HECTD4: variants seen among roughly 807,000 people sequenced by gnomAD.
HECTD4 encodes probable E3 ubiquitin-protein ligase HECTD4.
HECTD4 carries 114 observed loss-of-function variants against 471.5 expected under a neutral mutation model. The observed-to-expected ratio is 0.24, with a 90% CI of 0.21 to 0.28. The LOEUF (loss-of-function observed/expected upper bound fraction) is 0.28, where lower values mean the gene tolerates loss of function less well. Ranked by LOEUF, HECTD4 falls within the 10% of genes least tolerant of loss-of-function variation. The probability of loss-of-function intolerance (pLI) is 1.00; values close to 1 mark genes in which losing one functional copy is unlikely to be tolerated. For synonymous variants in HECTD4, 2,012 were observed against 2,256.0 expected, an observed-to-expected ratio of 0.89 and a Z score of 3.07; for missense variants, 3,866 against 5,651.5, an observed-to-expected ratio of 0.68 and a Z score of 10.13.
At chr12:112,355,045 A>T (rs1021238677) in intron 1 of HECTD4, among the ~76,000 whole-genome samples, 1 of 150,078 alleles carries the variant, frequency 6.7e-6, no homozygotes, top group Admixed American at 6.6e-5. Context: ...CAGTGGCGCT[A>T]TCTCGGCTCA....
chr12:112,178,230 CCA>C (rs2031530633), intron 64 of HECTD4, among the ~76,000 whole-genome samples: 1 of 152,112 alleles, frequency 6.6e-6, no homozygotes. Flanking sequence ...GTGCATGCCA[CCA>C]CAGTCAGCTA....
Position 112,228,869 on chromosome 12 carries a change from TACGAG to T in HECTD4, c.6520-63_6520-59del. 6.6e-7 allele frequency: 1 copy of T among 1,518,514 alleles called. No individual in the cohort carries two copies. The highest frequency in any genetic ancestry group is 9.0e-7 in the Non-Finnish European group (1 of 1,112,320). 94.1% of individuals were successfully genotyped at this position (1,518,514 alleles called of 1,614,324 possible). ...AGCTCTGACGTGTGGGCAGCTGTCT[TACGAG>T]ACAAGAGGAAAAAGTAAATTTATAG... On this transcript the variant is annotated intron_variant, in intron 41 of 75. Coordinates refer to ENST00000682272, the MANE Select transcript of HECTD4 (RefSeq NM_001388303.1). This position sits in a 1 kb window ranked among gnomAD's most constrained non-coding sequence, Gnocchi z 4.9.
At chr12:112,354,123 A>G (rs2036291915) in intron 1 of HECTD4, among the ~76,000 whole-genome samples, 1 of 151,972 alleles carries the variant, frequency 6.6e-6, no homozygotes, top group South Asian at 2.1e-4. Context: ...TCTAGGCTGG[A>G]GTGCAGTGGC....
chr12:112,176,795 C>T, intron 64 of HECTD4, 93 bp from the exon 65 acceptor site: 1 of 994,964 alleles, frequency 1.0e-6, no homozygotes, highest in Admixed American at 1.9e-5. Context: ...TTCCTGCTCC[C>T]TCCTCCAACT....
chr12:112,200,780 C>T lies in HECTD4; in HGVS notation c.8425G>A (p.Val2809Ile), dbSNP rs779590965. ...DVDSVNELVQVETYLRSEGVL... is the reference protein window; with the variant it reads ...DVDSVNELVQIETYLRSEGVL... ...CCTTCACTGCGGAGGTACGTTTCTA[C>T]CTGCACCAGTTCATTCACCTACAAT... The change falls in exon 55 of 76, where the codon GTA becomes ATA. Residue 2809 changes from valine (V) to isoleucine (I), a missense_variant. Val to Ile is a conservative substitution (Grantham distance 29, BLOSUM62 3). Coordinates refer to ENST00000682272, the MANE Select transcript of HECTD4 (RefSeq NM_001388303.1). 5 of 1,612,620 alleles carry T rather than the reference C, an allele frequency of 3.1e-6. No homozygotes were observed. The Admixed American group carries it at 8.4e-5, about 27-fold the overall frequency.
chr12:112,367,486 C>T (rs551785285), intron 1 of HECTD4, among the ~76,000 whole-genome samples: 18 of 151,878 alleles, frequency 1.2e-4, no homozygotes. Context: ...AGGTTCAGAA[C>T]CCCTGAGGGA....
Position 112,308,846 on chromosome 12 carries a change from C to T in HECTD4, c.1071G>A (p.Val357=). The stretch of plus-strand genomic sequence containing the variant: ...GGAGAAGACTGCCGCTGCCAAAAGC[C>T]ACCCATCCTGGTTCCAACTCCTCGT... The part of the protein sequence containing the change: ...CRNEELEPGW[V]AFGSGSLLHR... Residue 357 remains valine, a synonymous_variant, in exon 6 of 76, where the codon GTG becomes GTA. Transcript: ENST00000682272. 2 of 1,536,042 alleles carry T rather than the reference C, an allele frequency of 1.3e-6. No homozygotes were observed. The highest frequency in any genetic ancestry group is 2.4e-5 in the East Asian group (1 of 40,922).
chr12:112,324,033 C>CTTTCTTTCTTT (rs1566112010), intron 1 of HECTD4, among the ~76,000 whole-genome samples: 1 of 23,750 alleles, frequency 4.2e-5, no homozygotes, highest in Non-Finnish European at 6.6e-5. Flanking sequence ...TTCCTTCCTT[C>CTTTCTTTCTTT]CTTCCTTCCT....
intron 29 of HECTD4, among the ~76,000 whole-genome samples, 190 bp downstream of exon 29, chr12:112,246,706 TTTTTC>T (rs1257710229): frequency 6.6e-6 from 1 of 152,132 alleles, no homozygotes; most frequent in African/African-American, 2.4e-5. Context: ...TATTTCTTTG[TTTTTC>T]TTTTGTCACT....
intron 1 of HECTD4, among the ~76,000 whole-genome samples, chr12:112,368,937 G>A (rs768708243): frequency 9.9e-5 from 15 of 152,168 alleles, no homozygotes; most frequent in Non-Finnish European, 2.2e-4. Context: ...GGGGCTCTAA[G>A]TCCAAATAAT....
intron 1 of HECTD4, among the ~76,000 whole-genome samples, chr12:112,355,741 G>A (rs558622819): frequency 1.3e-4 from 20 of 152,150 alleles, no homozygotes; most frequent in Non-Finnish European, 2.5e-4. Context: ...TCCAGCCTGG[G>A]AGACAGCGAG....
intron 1 of HECTD4, among the ~76,000 whole-genome samples, chr12:112,320,073 G>A (rs1306215777): frequency 6.6e-6 from 1 of 152,140 alleles, no homozygotes; most frequent in Non-Finnish European, 1.5e-5. Context: ...GGTGGCTCAC[G>A]CCTGTAATCC....
At chr12:112,295,367 A>ATT (rs397971787) in intron 7 of HECTD4, among the ~76,000 whole-genome samples, 12,894 of 143,830 alleles carry the variant, frequency 0.09, 605 homozygotes, top group East Asian at 0.23. Flanking sequence ...TGGTAAGGTG[A>ATT]TTTTTTTTTT....
intron 50 of HECTD4, 136 bp downstream of exon 50, chr12:112,209,879 C>A (rs2032709727): frequency 1.4e-6 from 1 of 702,736 alleles, no homozygotes; most frequent in African/African-American, 1.8e-5. Context: ...AGGCCTGTGA[C>A]CCCATTACCA....
chr12:112,222,641 T>G (rs1205825888), intron 44 of HECTD4, among the ~76,000 whole-genome samples: 1 of 152,158 alleles, frequency 6.6e-6, no homozygotes, highest in African/African-American at 2.4e-5. Flanking sequence ...CACTCCAGCC[T>G]GGGCAACAGA....
At chr12:112,210,746 A>G (rs2032738386) in intron 49 of HECTD4, among the ~76,000 whole-genome samples, 1 of 152,234 alleles carries the variant, frequency 6.6e-6, no homozygotes, top group African/African-American at 2.4e-5. Flanking sequence ...CTGTGATTAC[A>G]TACATACACA....
At chr12:112,187,786 C>A (rs1467034249) in intron 60 of HECTD4, among the ~76,000 whole-genome samples, 1 of 151,298 alleles carries the variant, frequency 6.6e-6, no homozygotes, top group Non-Finnish European at 1.5e-5. Context: ...GCTATCACAC[C>A]CGGCTAATTT....
chr12:112,300,851 T>C (rs1169350194), intron 7 of HECTD4, among the ~76,000 whole-genome samples: 3 of 152,054 alleles, frequency 2.0e-5, no homozygotes, highest in Non-Finnish European at 4.4e-5. Flanking sequence ...ATTATAGGCA[T>C]GAACTACTGC....
intron 1 of HECTD4, among the ~76,000 whole-genome samples, chr12:112,352,745 C>A (rs2036268156): frequency 6.6e-6 from 1 of 151,900 alleles, no homozygotes. Context: ...TAGCTAAGAC[C>A]ACATGTATAT....
Sources: gnomAD v4.1 joint callset for allele counts (sites outside exome capture counted in the v4.1 genomes callset) on GRCh38, gnomAD v4.1.1 for gene constraint, Gnocchi (gnomAD v3.1) non-coding constraint, MANE v1.5 for transcripts, NCBI Gene and HGNC (gene_info 2026-07-23, HGNC 2026-07-21) for gene names.